The following TYSND1 variants were observed in gnomAD, a reference collection of about 807,000 sequenced individuals.
The protein encoded by TYSND1 is peroxisomal leader peptide-processing protease.
Under a neutral mutation model 37.2 loss-of-function variants are expected in TYSND1, and 30 were observed. The observed-to-expected ratio is 0.81, with a 90% confidence interval of 0.60 to 1.09. The LOEUF (loss-of-function observed/expected upper bound fraction) is 1.09. TYSND1 is among the 50% of genes least tolerant of loss of function. The pLI, the probability that TYSND1 is intolerant of heterozygous loss-of-function variation, is 0.00. For missense variants in TYSND1, 806 were observed against 817.4 expected, an observed-to-expected ratio of 0.99 and a Z score of 0.17; for synonymous variants, 364 against 383.8, an observed-to-expected ratio of 0.95 and a Z score of 0.60.
At position 70,145,480 on chromosome 10, in the gene TYSND1, G is replaced by T. The variant is rs755089159; in HGVS notation, c.1107C>A (p.Thr369=). 3 of 1,510,792 alleles carry T rather than the reference G, an allele frequency of 2.0e-6. No individual in the cohort carries two copies. Among genetic ancestry groups the T allele is most frequent in the Non-Finnish European group, 2.6e-6 (3 of 1,133,206 alleles). The allele number at this position is 1,510,792 out of a possible 1,614,324, so 93.6% of individuals were successfully genotyped here. ...CTTCCCGAGGGGACACGTGCCGACAGGTCACTACAAGGCGGGGTGCCACAG... is the reference window on the plus strand; with the variant it reads ...CTTCCCGAGGGGACACGTGCCGACATGTCACTACAAGGCGGGGTGCCACAG... The part of the protein sequence containing the change: ...GVAVAPRLVV[T]CRHVSPREAA... The change falls in exon 1 of 4, where the codon ACC becomes ACA. Residue 369 remains threonine, a synonymous_variant. Transcript: ENST00000287078.
chr10:70,146,499 C>T lies in TYSND1; in HGVS notation c.88G>A (p.Gly30Ser). Residue 30 changes from glycine to serine, a missense_variant, in exon 1 of 4, where the codon GGC becomes AGC. By Grantham distance (56) the Gly-to-Ser change is moderately conservative. Around this residue, in one of 3 missense-constraint regions of TYSND1, gnomAD observed 84 missense variants for 79.0 expected, o/e 1.06. Transcript: ENST00000287078. ...SASRAGQPEA[G>S]PWSCSGVILS... is the part of the protein sequence containing the mutation. ...ATTACCCCGCTGCAGCTCCACGGGCCCGCCTCGGGCTGTCCGGCCCGGGAG... is the reference window on the plus strand; with the variant it reads ...ATTACCCCGCTGCAGCTCCACGGGCTCGCCTCGGGCTGTCCGGCCCGGGAG... 6.3e-7 allele frequency: 1 copy of T among 1,593,092 alleles called. No homozygotes were observed. The highest frequency in any genetic ancestry group is 8.5e-7 in the Non-Finnish European group (1 of 1,175,712).
chr10:70,140,108 G>T lies in TYSND1; in HGVS notation c.1517C>A (p.Thr506Lys), dbSNP rs745951395. ...IITSNTRDNNTGATYPHLNFS... is the reference protein window; with the variant it reads ...IITSNTRDNNKGATYPHLNFS... ...GTTCAGGTGGGGGTAGGTGGCCCCCGTATTATTGTCCCGGGTGTTGCTGGT... is the reference window on the plus strand; with the variant it reads ...GTTCAGGTGGGGGTAGGTGGCCCCCTTATTATTGTCCCGGGTGTTGCTGGT... The change falls in exon 4 of 4, where the codon ACG (threonine) becomes AAG (lysine). Residue 506 changes from threonine to lysine, a missense_variant. Around this residue, in one of 3 missense-constraint regions of TYSND1, gnomAD observed 708 missense variants for 705.4 expected, o/e 1.00. Transcript: ENST00000287078. 17 of 1,612,938 alleles carry T rather than the reference G, an allele frequency of 1.1e-5. No individual in the cohort carries two copies. Among genetic ancestry groups the T allele is most frequent in the Non-Finnish European group, 1.4e-5 (17 of 1,179,050 alleles).
intron 1 of TYSND1, 76 bp from the exon 2 acceptor site, chr10:70,144,048 T>C (rs2072833752): frequency 1.3e-6 from 2 of 1,586,698 alleles, no homozygotes; most frequent in Admixed American, 1.7e-5. Flanking sequence ...GAGCTGAGAG[T>C]GACAGTAAAA....
rs779227788 is a variant in TYSND1 at position 70,145,466 on chromosome 10, G to C, written c.1121C>G (p.Ser374Cys). The C allele has an allele frequency of 6.1e-6, 9 of 1,485,214 alleles. No individual in the cohort carries two copies. The highest frequency in any genetic ancestry group is 6.2e-6 in the Non-Finnish European group (7 of 1,120,188). 92.0% of individuals were successfully genotyped at this position (1,485,214 alleles called of 1,614,324 possible). A position where few individuals can be genotyped will look rare whatever the true frequency, so the allele number is the denominator to read the frequency against. Residue 374 changes from serine to cysteine, a missense_variant, in exon 1 of 4, where the codon TCC becomes TGC. Around this residue, in one of 3 missense-constraint regions of TYSND1, gnomAD observed 708 missense variants for 705.4 expected, o/e 1.00. Transcript: ENST00000287078. Reference sequence around the variant, plus strand: ...CAGGACCCTGGCTGCTTCCCGAGGGGACACGTGCCGACAGGTCACTACAAG... The same window carrying C: ...CAGGACCCTGGCTGCTTCCCGAGGGCACACGTGCCGACAGGTCACTACAAG... ...PRLVVTCRHV[S>C]PREAARVLVR...
chr10:70,143,888 G>T lies in TYSND1; in HGVS notation c.1251C>A (p.Asp417Glu). Residue 417 changes from aspartate to glutamate, a missense_variant, in exon 2 of 4, where the codon GAC (aspartate) becomes GAA (glutamate). Physicochemically the swap from Asp to Glu is conservative, Grantham distance 45. This residue lies in a region of TYSND1 where 708 missense variants were observed against 705.4 expected (regional missense o/e 1.00). Coordinates refer to ENST00000287078, the MANE Select transcript of TYSND1 (RefSeq NM_173555.4). ...GCACAGGGATGGGGACATCATCCAG[G>T]TCCTCCTCCAGGCTCACCACTGCTA... ...YDIAVVSLEE[D>E]LDDVPIPVPA... 1.2e-6 allele frequency: 2 copies of T among 1,614,198 alleles called. No homozygotes were observed. Among genetic ancestry groups the T allele is most frequent in the Non-Finnish European group, 1.7e-6 (2 of 1,180,034 alleles).
Position 70,139,144 on chromosome 10 carries a change from G to C in TYSND1, c.*780C>G, listed in dbSNP as rs1158576168. ...AGGAAAGGGTGTGTTTCTTTGCCTGGTACTTGCCTATTCCCAGTTCAACTC... is the reference window on the plus strand; with the variant it reads ...AGGAAAGGGTGTGTTTCTTTGCCTGCTACTTGCCTATTCCCAGTTCAACTC... On this transcript the variant is annotated 3_prime_UTR_variant, in exon 4 of 4. Transcript: ENST00000287078. 1.3e-5 allele frequency: 2 copies of C among 151,612 alleles called. No individual in the cohort carries two copies. Among genetic ancestry groups the C allele is most frequent in the African/African-American group, 4.9e-5 (2 of 41,182 alleles). 9.4% of individuals were successfully genotyped at this position (151,612 alleles called of 1,614,324 possible).
At chr10:70,144,082 C>T in intron 1 of TYSND1, 110 bp from the exon 2 acceptor site, 1 of 1,407,476 alleles carries the variant, frequency 7.1e-7, no homozygotes, top group Non-Finnish European at 9.7e-7. Flanking sequence ...GGTATCAGCC[C>T]TGAATCGACC....
Position 70,145,442 on chromosome 10 carries a change from A to C in TYSND1, c.1145T>G (p.Leu382Arg), listed in dbSNP as rs1162130943. ...TTACTTGGGGGTGGTGGAGCGCACC[A>C]GGACCCTGGCTGCTTCCCGAGGGGA... Reference protein sequence around the residue: ...HVSPREAARVLVRSTTPKSVA... With the variant: ...HVSPREAARVRVRSTTPKSVA... Residue 382 changes from leucine to arginine, a missense_variant, in exon 1 of 4, where the codon CTG (leucine) becomes CGG (arginine). Coordinates refer to ENST00000287078, the MANE Select transcript of TYSND1 (RefSeq NM_173555.4). 1.4e-6 allele frequency: 2 copies of C among 1,461,016 alleles called. No individual in the cohort carries two copies. Among genetic ancestry groups the C allele is most frequent in the Non-Finnish European group, 1.8e-6 (2 of 1,107,550 alleles). 90.5% of individuals were successfully genotyped at this position (1,461,016 alleles called of 1,614,324 possible).
chr10:70,144,761 GCCACAGTGGGGACA>G (rs2072850462), intron 1 of TYSND1: 1 of 985,504 alleles, frequency 1.0e-6, no homozygotes, highest in South Asian at 4.7e-5. Flanking sequence ...TGTCCTATAG[GCCACAGTGGGGACA>G]CCTATGGCAA....
In TYSND1 at chr10:70,142,688, T is replaced by C. The variant is rs549441644; in HGVS notation, c.1463A>G (p.Asn488Ser). ...GTTACCAAGGAGGTTTCCTGAGTGGTTGGAGAAGAGGGGTCCCCCACTGGA... is the reference window on the plus strand; with the variant it reads ...GTTACCAAGGAGGTTTCCTGAGTGGCTGGAGAAGAGGGGTCCCCCACTGGA... ...SGSSGGPLFS[N>S]HSGNLLGIIT... The change falls in exon 3 of 4, where the codon AAC (asparagine) becomes AGC (serine). Residue 488 changes from asparagine to serine, a missense_variant. Around this residue, in one of 3 missense-constraint regions of TYSND1, gnomAD observed 708 missense variants for 705.4 expected, o/e 1.00. Coordinates refer to ENST00000287078, the MANE Select transcript of TYSND1 (RefSeq NM_173555.4). The C allele has an allele frequency of 4.4e-6, 7 of 1,595,538 alleles. No individual in the cohort carries two copies. The East Asian group carries it at 6.8e-5, about 15-fold the overall frequency.
Position 70,146,165 on chromosome 10 carries a change from G to A in TYSND1, c.422C>T (p.Pro141Leu), listed in dbSNP as rs1398824466. The change falls in exon 1 of 4, where the codon CCG becomes CTG. Residue 141 changes from proline (P) to leucine (L), a missense_variant. Physicochemically the swap from Pro to Leu is moderately conservative, Grantham distance 98. Transcript: ENST00000287078. Reference sequence around the variant, plus strand: ...GCGCGCGAAGTGGGCCCAGAAGGCCGGGCAGCTCAGCAGCAGCAGCAGCTC... The same window carrying A: ...GCGCGCGAAGTGGGCCCAGAAGGCCAGGCAGCTCAGCAGCAGCAGCAGCTC... ...PAELLLLLSC[P>L]AFWAHFARLF... 4.5e-6 allele frequency: 7 copies of A among 1,548,556 alleles called. No homozygotes were observed. The highest frequency in any genetic ancestry group is 2.7e-5 in the African/African-American group (2 of 73,142).
rs1839229796 is a variant in TYSND1 at position 70,146,377 on chromosome 10, G to A, written c.210C>T (p.Val70=). The A allele has an allele frequency of 2.6e-6, 4 of 1,567,234 alleles. No homozygotes were observed. The African/African-American group carries it at 4.0e-5, about 16-fold the overall frequency. ...GSEVLTAAGA[V]FLPGDSCRDD... is the part of the protein sequence containing the mutation. ...CCCTGCAACTGTCGCCAGGCAGGAAGACGGCGCCGGCCGCGGTCAGGACTT... is the reference window on the plus strand; with the variant it reads ...CCCTGCAACTGTCGCCAGGCAGGAAAACGGCGCCGGCCGCGGTCAGGACTT... Residue 70 remains valine (V), a synonymous_variant, in exon 1 of 4, where the codon GTC becomes GTT. Coordinates refer to ENST00000287078, the MANE Select transcript of TYSND1 (RefSeq NM_173555.4).
rs550364642 is a variant in TYSND1, at chr10:70,139,715, C to T, written c.*209G>A. The T allele has an allele frequency of 1.8e-6, 1 of 558,360 alleles. No homozygotes were observed. The highest frequency in any genetic ancestry group is 3.2e-6 in the Non-Finnish European group (1 of 316,010). The allele number at this position is 558,360 out of a possible 1,614,324, so 34.6% of individuals were successfully genotyped here. On this transcript the variant is annotated 3_prime_UTR_variant, in exon 4 of 4. Coordinates refer to ENST00000287078, the MANE Select transcript of TYSND1 (RefSeq NM_173555.4). The stretch of plus-strand genomic sequence containing the variant: ...GAACTGGGGGCTCAAGAAAGCACCC[C>T]AAAACGGGCTGCCAGGTTAAGGATC...
rs1159846979 is a variant in TYSND1, at chr10:70,139,439, G to A, written c.*485C>T. ...GTCCCTTCTGTCTCTGGTCTTCAGA[G>A]CAAGGTTTCTGCTGAGATGCTAAGG... On this transcript the variant is annotated 3_prime_UTR_variant, in exon 4 of 4. Coordinates refer to ENST00000287078, the MANE Select transcript of TYSND1 (RefSeq NM_173555.4). The A allele has an allele frequency of 1.3e-5, 2 of 153,912 alleles. No individual in the cohort carries two copies. Among genetic ancestry groups the A allele is most frequent in the Non-Finnish European group, 2.9e-5 (2 of 68,972 alleles). 9.5% of individuals were successfully genotyped at this position (153,912 alleles called of 1,614,324 possible). A position where few individuals can be genotyped will look rare whatever the true frequency, so the allele number is the denominator to read the frequency against.
At chr10:70,140,171 T>A in intron 3 of TYSND1, 30 bp from the exon 4 acceptor site, 1 of 1,560,820 alleles carries the variant, frequency 6.4e-7, no homozygotes, top group Non-Finnish European at 8.7e-7. Flanking sequence ...CAAAAGAGGA[T>A]GTGAGCCAGG....
chr10:70,140,116 G>A lies in TYSND1; in HGVS notation c.1509C>T (p.Asp503=), dbSNP rs940646408. 6.2e-7 allele frequency: 1 copy of A among 1,611,988 alleles called. No individual in the cohort carries two copies. The highest frequency in any genetic ancestry group is 1.3e-5 in the African/African-American group (1 of 74,900). ...LLGIITSNTR[D]NNTGATYPHL... ...GGGGGTAGGTGGCCCCCGTATTATT[G>A]TCCCGGGTGTTGCTGGTGATTATGC... Residue 503 remains aspartate, a synonymous_variant, in exon 4 of 4, where the codon GAC becomes GAT. Transcript: ENST00000287078.
chr10:70,142,870 G>A lies in TYSND1; in HGVS notation c.1298-17C>T. 1 of 1,611,638 alleles carries A rather than the reference G, an allele frequency of 6.2e-7. No homozygotes were observed. On this transcript the variant is annotated splice_polypyrimidine_tract_variant and intron_variant, in intron 2 of 3. Coordinates refer to ENST00000287078, the MANE Select transcript of TYSND1 (RefSeq NM_173555.4). ...CAGCCTCGCCTGCCAGGGAAGGAAG[G>A]AGGGTGAAGCTGGGGACACCTGTGT...
chr10:70,146,414 C>A lies in TYSND1; in HGVS notation c.173G>T (p.Arg58Leu). The change falls in exon 1 of 4, where the codon CGA becomes CTA. Residue 58 changes from arginine (R) to leucine (L), a missense_variant. Arg to Leu is a moderately radical substitution (Grantham distance 102). Around this residue, in one of 3 missense-constraint regions of TYSND1, gnomAD observed 14 missense variants for 33.0 expected, o/e 0.42. Transcript: ENST00000287078. Reference protein sequence around the residue: ...CHGGIFVPFLRAGSEVLTAAG... With the variant: ...CHGGIFVPFLLAGSEVLTAAG... ...CGCGGTCAGGACTTCGCTGCCAGCTCGCAGGAAGGGGACGAAGATGCCCCC... is the reference window on the plus strand; with the variant it reads ...CGCGGTCAGGACTTCGCTGCCAGCTAGCAGGAAGGGGACGAAGATGCCCCC... 1.3e-6 allele frequency: 2 copies of A among 1,599,368 alleles called. No individual in the cohort carries two copies. Among genetic ancestry groups the A allele is most frequent in the South Asian group, 1.1e-5 (1 of 89,846 alleles).
Position 70,142,882 on chromosome 10 carries a change from G to T in TYSND1, c.1298-29C>A. On this transcript the variant is annotated intron_variant, in intron 2 of 3. Coordinates refer to ENST00000287078, the MANE Select transcript of TYSND1 (RefSeq NM_173555.4). The stretch of plus-strand genomic sequence containing the variant: ...CCAGGGAAGGAAGGAGGGTGAAGCT[G>T]GGGACACCTGTGTTACAGCAGGACT... 1.9e-6 allele frequency: 3 copies of T among 1,608,660 alleles called. No homozygotes were observed. In the East Asian group the frequency reaches 6.7e-5, roughly 36 times the overall value.
Sources: allele counts gnomAD v4.1 joint callset, GRCh38; gene constraint gnomAD v4.1.1; regional missense constraint gnomAD v4.1.1; transcripts MANE v1.5; gene names NCBI Gene and HGNC (gene_info 2026-07-23, HGNC 2026-07-21).